CACNA1I: variants seen among roughly 807,000 people sequenced by gnomAD.
The protein encoded by CACNA1I is voltage-dependent T-type calcium channel subunit alpha-1I.
Under a neutral mutation model 201.6 loss-of-function variants are expected in CACNA1I, and 74 were observed. The ratio of observed to expected loss-of-function variants is 0.37; its 90% CI spans 0.30 to 0.45. The LOEUF is 0.45. CACNA1I is among the 20% of genes least tolerant of loss of function. CACNA1I has a pLI of 1.00. For missense variants in CACNA1I, 2,346 were observed against 3,138.1 expected (o/e 0.75, Z 6.03); for synonymous variants, 1,431 against 1,345.2 (o/e 1.06, Z -1.40).
chr22:39,637,520 CT>C (rs1026672929), intron 5 of CACNA1I, among the ~76,000 whole-genome samples: 6 of 152,126 alleles, frequency 3.9e-5, no homozygotes, highest in African/African-American at 1.4e-4. Context: ...GGCAGCACTC[CT>C]GTGTATTTAC....
At position 39,642,909 on chromosome 22, in the gene CACNA1I, G is replaced by A; in HGVS notation, c.1149+20G>A. ...ATCATAGTAAGTGTCAGGGAGCCTGGGCTCCTAGGTGTGCTCAGAACCCAT... is the reference window on the plus strand; with the variant it reads ...ATCATAGTAAGTGTCAGGGAGCCTGAGCTCCTAGGTGTGCTCAGAACCCAT... On this transcript the variant is annotated intron_variant, in intron 7 of 36. Transcript: ENST00000402142. 4 of 1,532,692 alleles carry A rather than the reference G, an allele frequency of 2.6e-6. No homozygotes were observed. The highest frequency in any genetic ancestry group is 3.6e-6 in the Non-Finnish European group (4 of 1,116,910). The allele number at this position is 1,532,692 out of a possible 1,614,324, so 94.9% of individuals were successfully genotyped here. A position where few individuals can be genotyped will look rare whatever the true frequency, so the allele number is the denominator to read the frequency against.
Position 39,655,219 on chromosome 22 carries a change from G to T in CACNA1I, c.1993-2933G>T, listed in dbSNP as rs1458114301. Among the ~76,000 whole-genome samples the T allele has an allele frequency of 2.6e-5, 4 of 152,016 alleles. No homozygotes were observed. The East Asian group carries it at 7.8e-4, about 30-fold the overall frequency. ...CATGGGAGGGGCCTAATCAACGCTA[G>T]CTGCCATTATTATGATGGGGATGGT... On this transcript the variant is annotated intron_variant, in intron 10 of 36. Transcript: ENST00000402142.
chr22:39,659,033 G>A lies in CACNA1I; in HGVS notation c.2247G>A (p.Arg749=). ...LKLVRFMPAL[R]RQLVVLMKTM... is the part of the protein sequence containing the mutation. The stretch of plus-strand genomic sequence containing the variant: ...TGGTGCGCTTCATGCCTGCCCTGCG[G>A]CGCCAGCTCGTGGTGCTCATGAAGA... Residue 749 remains arginine, a synonymous_variant, in exon 12 of 37, where the codon CGG becomes CGA. Transcript: ENST00000402142. This position sits in a 1 kb window ranked among gnomAD's most constrained non-coding sequence, Gnocchi z 4.3. 1 of 1,613,084 alleles carries A rather than the reference G, an allele frequency of 6.2e-7. No homozygotes were observed. Among genetic ancestry groups the A allele is most frequent in the South Asian group, 1.1e-5 (1 of 90,866 alleles).
chr22:39,571,046 G>A, intron 1 of CACNA1I, 58 bp downstream of exon 1: 11 of 1,410,200 alleles, frequency 7.8e-6, no homozygotes, highest in Non-Finnish European at 1.1e-5. Context: ...GTGGGGGGCT[G>A]GATTGAGTCC....
rs1204076067 is a variant in CACNA1I, at chr22:39,685,756, C to T, written c.6028-5C>T. 1.4e-6 allele frequency: 2 copies of T among 1,472,892 alleles called. No homozygotes were observed. Among genetic ancestry groups the T allele is most frequent in the Non-Finnish European group, 1.8e-6 (2 of 1,119,876 alleles). 91.2% of individuals were successfully genotyped at this position (1,472,892 alleles called of 1,614,324 possible). On this transcript the variant is annotated splice_region_variant and splice_polypyrimidine_tract_variant and intron_variant, in intron 36 of 36. Coordinates refer to ENST00000402142, the MANE Select transcript of CACNA1I (RefSeq NM_021096.4). The surrounding 1 kb of genome is among the most constrained non-coding windows in gnomAD (Gnocchi z 5.0). ...GCGGCCTCCACGGCTCCCACCTCCC[C>T]CCAGGCCACCGGGAGCGACACGTCG...
At chr22:39,641,665 G>A (rs1031288959) in intron 6 of CACNA1I, among the ~76,000 whole-genome samples, 1 of 152,220 alleles carries the variant, frequency 6.6e-6, no homozygotes, top group Non-Finnish European at 1.5e-5. Flanking sequence ...AATGTGTCTC[G>A]CCTTGTCACC....
At chr22:39,618,094 ACT>A (rs1259854263) in intron 3 of CACNA1I, among the ~76,000 whole-genome samples, 3 of 145,900 alleles carry the variant, frequency 2.1e-5, no homozygotes, top group Non-Finnish European at 3.0e-5. Flanking sequence ...CATGTGTGTG[ACT>A]CTGTGTGCAG....
intron 4 of CACNA1I, among the ~76,000 whole-genome samples, chr22:39,632,022 G>T (rs1237437225): frequency 6.6e-6 from 1 of 152,112 alleles, no homozygotes; most frequent in East Asian, 1.9e-4. Context: ...AGGCGGGTCG[G>T]GGAGGAGGGA....
rs1465575860 is a variant in CACNA1I at position 39,649,090 on chromosome 22, G to C, written c.1568-411G>C. Reference sequence around the variant, plus strand: ...GTCCACCATGGCCTTCTCTGACGGGGGCTGCCCCCACATTGGCCTGACTCT... The same window carrying C: ...GTCCACCATGGCCTTCTCTGACGGGCGCTGCCCCCACATTGGCCTGACTCT... On this transcript the variant is annotated intron_variant, in intron 9 of 36. Coordinates refer to ENST00000402142, the MANE Select transcript of CACNA1I (RefSeq NM_021096.4). The surrounding 1 kb of genome is among the most constrained non-coding windows in gnomAD (Gnocchi z 7.3). 2.0e-5 allele frequency among the ~76,000 whole-genome samples: 3 copies of C among 152,160 alleles called. No individual in the cohort carries two copies. The highest frequency in any genetic ancestry group is 7.2e-5 in the African/African-American group (3 of 41,432).
intron 19 of CACNA1I, 106 bp downstream of exon 19, chr22:39,663,947 A>C (rs1459207374): frequency 6.5e-7 from 1 of 1,549,040 alleles, no homozygotes; most frequent in Non-Finnish European, 8.8e-7. Flanking sequence ...GCAGGACAGG[A>C]AGTTTGCCTT....
intron 23 of CACNA1I, among the ~76,000 whole-genome samples, chr22:39,667,584 G>T (rs1177007621): frequency 1.3e-5 from 2 of 152,100 alleles, no homozygotes. Flanking sequence ...CCTGCTGTGT[G>T]CAAGGTTCTG....
At chr22:39,681,099 C>T (rs1251870651) in intron 34 of CACNA1I, 47 bp downstream of exon 34, 13 of 1,563,584 alleles carry the variant, frequency 8.3e-6, no homozygotes, top group Non-Finnish European at 8.6e-7. Context: ...GTCCTTGAAA[C>T]CTGGCCCCTG....
intron 3 of CACNA1I, among the ~76,000 whole-genome samples, chr22:39,612,433 C>T (rs1933411335): frequency 6.6e-6 from 1 of 152,126 alleles, no homozygotes; most frequent in African/African-American, 2.4e-5. Context: ...AACCGGGTGC[C>T]TCATAAACAA....
chr22:39,587,278 C>G (rs1366028212), intron 1 of CACNA1I, among the ~76,000 whole-genome samples: 1 of 152,182 alleles, frequency 6.6e-6, no homozygotes, highest in Non-Finnish European at 1.5e-5. Context: ...CTCCCTTGCC[C>G]CCTCCTGAAA....
chr22:39,662,927 G>A, intron 18 of CACNA1I, 51 bp downstream of exon 18: 1 of 1,213,626 alleles, frequency 8.2e-7, no homozygotes, highest in Non-Finnish European at 1.2e-6. Context: ...TAACGTGGGA[G>A]GGACGGATCT....
At position 39,676,650 on chromosome 22, in the gene CACNA1I, C is replaced by T. The variant is rs1053800148; in HGVS notation, c.4855-691C>T. Among the ~76,000 whole-genome samples, 1 of 152,178 alleles carries T rather than the reference C, an allele frequency of 6.6e-6. No individual in the cohort carries two copies. The highest frequency in any genetic ancestry group is 2.4e-5 in the African/African-American group (1 of 41,436). On this transcript the variant is annotated intron_variant, in intron 29 of 36. Transcript: ENST00000402142. This position sits in a 1 kb window ranked among gnomAD's most constrained non-coding sequence, Gnocchi z 4.8. ...GGTTTGCAGAGGCTTCTGGGGCCCA[C>T]GGGCCTGCGTGATTCCTGCCTTCCC...
At chr22:39,612,111 G>T (rs1933401700) in intron 3 of CACNA1I, among the ~76,000 whole-genome samples, 2 of 152,136 alleles carry the variant, frequency 1.3e-5, no homozygotes, top group South Asian at 4.2e-4. Flanking sequence ...AGCCCTCGTG[G>T]ATGGATTAAT....
chr22:39,652,244 T>C (rs921507256), intron 10 of CACNA1I, among the ~76,000 whole-genome samples: 12 of 152,214 alleles, frequency 7.9e-5, no homozygotes, highest in African/African-American at 2.9e-4. Flanking sequence ...GATCTGCCTG[T>C]CTCACCCTCC....
chr22:39,657,623 C>G (rs1330241498), intron 10 of CACNA1I, among the ~76,000 whole-genome samples: 4 of 152,206 alleles, frequency 2.6e-5, no homozygotes, highest in Non-Finnish European at 5.9e-5. Flanking sequence ...TGGCCTCAGG[C>G]AAGGGACTGG....
Sources: allele counts gnomAD v4.1 joint callset (sites outside exome capture counted in the v4.1 genomes callset), GRCh38; gene constraint gnomAD v4.1.1; non-coding constraint Gnocchi (gnomAD v3.1); transcripts MANE v1.5; gene names NCBI Gene and HGNC (gene_info 2026-07-23, HGNC 2026-07-21).